SLC8A3: variants seen among roughly 807,000 people sequenced by gnomAD.
SLC8A3 encodes solute carrier family 8 member A3.
In SLC8A3, 37 loss-of-function variants were observed where a neutral mutation model predicts 65.4. The observed-to-expected ratio is 0.57, with a 90% CI of 0.44 to 0.74. The LOEUF is 0.74. Among genes scored for constraint, SLC8A3 ranks in the 30% least tolerant of loss-of-function variants. SLC8A3 has a pLI of 0.00. For missense variants in SLC8A3, 1,112 were observed against 1,172.1 expected (o/e 0.95, Z 0.75); for synonymous variants, 461 against 444.5 (o/e 1.04, Z -0.47).
intron 1 of SLC8A3, among the ~76,000 whole-genome samples, chr14:70,174,665 T>TGG (rs1392309662): frequency 9.8e-5 from 6 of 61,012 alleles, no homozygotes; most frequent in Non-Finnish European, 2.4e-4. Flanking sequence ...TTTTTTTGTT[T>TGG]TTTTTTTTTT....
rs565691050 is a variant in SLC8A3, at chr14:70,186,512, G to A, written c.-63+1867C>T. 4.6e-5 allele frequency among the ~76,000 whole-genome samples: 7 copies of A among 152,296 alleles called. No homozygotes were observed. The East Asian group carries it at 1.2e-3, about 25-fold the overall frequency. On this transcript the variant is annotated intron_variant, in intron 1 of 6. Transcript: ENST00000356921. ...GAAGAATAAAGCATTCCAAGCGGAG[G>A]AAACTGCATGAATGGCCTTCCCTTC...
At chr14:70,082,752 T>C (rs1891146130) in intron 2 of SLC8A3, among the ~76,000 whole-genome samples, 1 of 152,184 alleles carries the variant, frequency 6.6e-6, no homozygotes, top group South Asian at 2.1e-4. Context: ...CCATCAAGCA[T>C]TCCTCTGAAC....
intron 2 of SLC8A3, among the ~76,000 whole-genome samples, chr14:70,154,769 C>T (rs1896474951): frequency 6.6e-6 from 1 of 152,052 alleles, no homozygotes; most frequent in South Asian, 2.1e-4. Flanking sequence ...TTTGTAAATA[C>T]ACTGAAATGA....
chr14:70,147,789 C>A (rs1896025952), intron 2 of SLC8A3, among the ~76,000 whole-genome samples: 1 of 152,214 alleles, frequency 6.6e-6, no homozygotes, highest in South Asian at 2.1e-4. Context: ...AACACCTTAA[C>A]TGCAGCTAAA....
intron 2 of SLC8A3, among the ~76,000 whole-genome samples, chr14:70,086,401 C>CTTTTTTTTTTTTTTTTTT (rs10605312): frequency 8.6e-6 from 1 of 116,146 alleles, no homozygotes; most frequent in Non-Finnish European, 1.8e-5. Context: ...TTTCTTTTTT[C>CTTTTTTTTTTTTTTTTTT]TTTTTTTTTT....
At chr14:70,157,263 C>T (rs1198343196) in intron 2 of SLC8A3, among the ~76,000 whole-genome samples, 1 of 152,182 alleles carries the variant, frequency 6.6e-6, no homozygotes, top group Non-Finnish European at 1.5e-5. Context: ...CTGGGACTCC[C>T]TTCTAAGTGA....
chr14:70,153,132 T>G (rs1471051759), intron 2 of SLC8A3, among the ~76,000 whole-genome samples: 4 of 152,156 alleles, frequency 2.6e-5, no homozygotes, highest in African/African-American at 9.7e-5. Flanking sequence ...CCCTGGTCCT[T>G]ACACCTGAGA....
intron 3 of SLC8A3, among the ~76,000 whole-genome samples, chr14:70,052,857 C>T (rs893413802): frequency 6.6e-6 from 1 of 152,116 alleles, no homozygotes; most frequent in Non-Finnish European, 1.5e-5. Context: ...AGTAAACCTC[C>T]TAGGGGAATC....
intron 2 of SLC8A3, among the ~76,000 whole-genome samples, chr14:70,092,564 C>G (rs1566774298): frequency 6.6e-6 from 1 of 152,198 alleles, no homozygotes; most frequent in Non-Finnish European, 1.5e-5. Flanking sequence ...GCCTCTAATC[C>G]TAACCACATT....
chr14:70,168,133 C>A lies in SLC8A3; in HGVS notation c.290G>T (p.Arg97Leu). The A allele has an allele frequency of 1.2e-6, 2 of 1,614,092 alleles. No individual in the cohort carries two copies. Among genetic ancestry groups the A allele is most frequent in the East Asian group, 2.2e-5 (1 of 44,872 alleles). ...GATGACTTCAATAGATGCCATGAAG[C>A]GGTCAGCAATGATGGACACCCCAAG... is the stretch of plus-strand genomic sequence containing the variant. ...MFLGVSIIAD[R>L]FMASIEVITS... Residue 97 changes from arginine to leucine, a missense_variant, in exon 2 of 7, where the codon CGC becomes CTC. Physicochemically the swap from Arg to Leu is moderately radical, Grantham distance 102. Coordinates refer to ENST00000356921, the MANE Select transcript of SLC8A3 (RefSeq NM_182932.3).
chr14:70,168,176 C>T lies in SLC8A3; in HGVS notation c.247G>A (p.Ala83Thr), dbSNP rs778043039. ...ACCCCAAGGAACATGTATATCAGGG[C>T]CACAAAATAGACAATGACCCTGGCA... ...KIARVIVYFV[A>T]LIYMFLGVSI... Residue 83 changes from alanine (A) to threonine (T), a missense_variant, in exon 2 of 7, where the codon GCC (alanine) becomes ACC (threonine). Ala to Thr is a moderately conservative substitution (Grantham distance 58, BLOSUM62 0). Coordinates refer to ENST00000356921, the MANE Select transcript of SLC8A3 (RefSeq NM_182932.3). 3.7e-6 allele frequency: 6 copies of T among 1,614,134 alleles called. No homozygotes were observed. The highest frequency in any genetic ancestry group is 4.2e-6 in the Non-Finnish European group (5 of 1,180,010).
At chr14:70,106,187 C>A (rs1470849378) in intron 2 of SLC8A3, among the ~76,000 whole-genome samples, 1 of 152,064 alleles carries the variant, frequency 6.6e-6, no homozygotes, top group Non-Finnish European at 1.5e-5. Flanking sequence ...CAAGAATGTC[C>A]ATTCTTACCA....
chr14:70,052,121 C>A lies in SLC8A3; in HGVS notation c.1889-7G>T, dbSNP rs769515538. 6.3e-7 allele frequency: 1 copy of A among 1,592,634 alleles called. No individual in the cohort carries two copies. The highest frequency in any genetic ancestry group is 8.5e-7 in the Non-Finnish European group (1 of 1,172,512). ...AGCTTCCTGTCTGTCACATCTGCAA[C>A]AAAACAAAATCAGACTCGCTTTAAC... On this transcript the variant is annotated splice_polypyrimidine_tract_variant and splice_region_variant and intron_variant, in intron 3 of 6. Transcript: ENST00000356921.
chr14:70,171,947 T>C (rs758847279), intron 1 of SLC8A3, among the ~76,000 whole-genome samples: 2 of 152,192 alleles, frequency 1.3e-5, no homozygotes, highest in Non-Finnish European at 1.5e-5. Flanking sequence ...CTGGCTGAGA[T>C]GTTAGAGAAA....
Position 70,046,594 on chromosome 14 carries a change from G to A in SLC8A3, c.2390-271C>T, listed in dbSNP as rs1886825715. 2.5e-6 allele frequency: 1 copy of A among 395,070 alleles called. No individual in the cohort carries two copies. The highest frequency in any genetic ancestry group is 4.5e-6 in the Non-Finnish European group (1 of 220,452). 24.5% of individuals were successfully genotyped at this position (395,070 alleles called of 1,614,324 possible). A position where few individuals can be genotyped will look rare whatever the true frequency, so the allele number is the denominator to read the frequency against. ...TCCAGTTCTGATATTTACTGAGTGG[G>A]CTTATTGTTCTCCTTTGACTACTTT... is the stretch of plus-strand genomic sequence containing the variant. On this transcript the variant is annotated intron_variant, in intron 6 of 6. Coordinates refer to ENST00000356921, the MANE Select transcript of SLC8A3 (RefSeq NM_182932.3). This position sits in a 1 kb window ranked among gnomAD's most constrained non-coding sequence, Gnocchi z 4.2.
chr14:70,062,592 T>C (rs1381490311), intron 2 of SLC8A3, among the ~76,000 whole-genome samples: 1 of 152,254 alleles, frequency 6.6e-6, no homozygotes, highest in Non-Finnish European at 1.5e-5. Flanking sequence ...GTACACTCTA[T>C]AATTTTCCCA....
intron 2 of SLC8A3, among the ~76,000 whole-genome samples, chr14:70,162,709 G>T (rs557977693): frequency 6.6e-6 from 1 of 152,278 alleles, no homozygotes; most frequent in African/African-American, 2.4e-5. Flanking sequence ...GTCATTGCAT[G>T]CTACAGTCTT....
chr14:70,055,669 G>A, intron 3 of SLC8A3: 1 of 725,794 alleles, frequency 1.4e-6, no homozygotes, highest in Non-Finnish European at 2.2e-6. Context: ...CCCAGTCCTT[G>A]GGAGAAATTG....
intron 2 of SLC8A3, among the ~76,000 whole-genome samples, chr14:70,153,529 A>G (rs913479): frequency 0.63 from 95,553 of 151,962 alleles, 30,515 homozygotes; most frequent in East Asian, 0.98. Flanking sequence ...TTGCCTCTGT[A>G]TGGCCACAGC....
Sources: gnomAD v4.1 joint callset for allele counts (sites outside exome capture counted in the v4.1 genomes callset) on GRCh38, gnomAD v4.1.1 for gene constraint, Gnocchi (gnomAD v3.1) non-coding constraint, MANE v1.5 for transcripts, NCBI Gene and HGNC (gene_info 2026-07-23, HGNC 2026-07-21) for gene names.